Variants in TSPAN7 observed in about 807,000 individuals in gnomAD.
TSPAN7 encodes tetraspanin 7.
A neutral mutation model predicts 17.6 loss-of-function variants in TSPAN7; 1 was observed. The observed-to-expected ratio is 0.06, with a 90% confidence interval of 0.02 to 0.27. TSPAN7 has a LOEUF of 0.27. Ranked by LOEUF, TSPAN7 falls within the 10% of genes least tolerant of loss-of-function variation. TSPAN7 has a pLI of 1.00. For synonymous variants in TSPAN7, 78 were observed against 79.0 expected, an observed-to-expected ratio of 0.99 and a Z score of 0.07; for missense variants, 112 against 201.7, an observed-to-expected ratio of 0.56 and a Z score of 2.69.
intron 1 of TSPAN7, among the ~76,000 whole-genome samples, chrX:38,626,952 C>T (rs2069526235): frequency 9.0e-6 from 1 of 111,175 alleles, no homozygotes; most frequent in African/African-American, 3.3e-5. Flanking sequence ...GTGTGTATCT[C>T]ATCTTTCTTC....
chrX:38,598,601 T>C (rs956813607), intron 1 of TSPAN7, among the ~76,000 whole-genome samples: 1 of 111,206 alleles, frequency 9.0e-6, no homozygotes, highest in Non-Finnish European at 1.9e-5. Context: ...CAGCTTGGTG[T>C]CACTAATGCC....
intron 1 of TSPAN7, among the ~76,000 whole-genome samples, chrX:38,595,093 T>G (rs767908074): frequency 9.0e-6 from 1 of 111,613 alleles, no homozygotes; most frequent in African/African-American, 3.2e-5. Context: ...ATCTTGTACA[T>G]ATGTATTTTT....
intron 1 of TSPAN7, among the ~76,000 whole-genome samples, chrX:38,659,579 G>A (rs979557178): frequency 1.8e-5 from 2 of 110,755 alleles, no homozygotes; most frequent in African/African-American, 3.3e-5. Flanking sequence ...TCTGCCCAAA[G>A]TCACACAGCT....
At chrX:38,637,289 T>A (rs901420218) in intron 1 of TSPAN7, among the ~76,000 whole-genome samples, 5 of 112,069 alleles carry the variant, frequency 4.5e-5, no homozygotes, top group Middle Eastern at 8.4e-3. Flanking sequence ...ATGAATACAG[T>A]TATTCTGATG....
chrX:38,580,839 C>G (rs1404810912), intron 1 of TSPAN7, among the ~76,000 whole-genome samples: 1 of 111,464 alleles, frequency 9.0e-6, no homozygotes, highest in Non-Finnish European at 1.9e-5. Flanking sequence ...GAGCCCAGTG[C>G]ACGATTCCAG....
intron 1 of TSPAN7, among the ~76,000 whole-genome samples, chrX:38,599,890 A>G (rs1333055586): frequency 8.9e-6 from 1 of 111,935 alleles, no homozygotes; most frequent in Non-Finnish European, 1.9e-5. Flanking sequence ...TCCCATGCTC[A>G]ATTTCTTGTC....
intron 1 of TSPAN7, chrX:38,562,947 A>AT (rs1374036288): frequency 1.0e-6 from 1 of 955,045 alleles, no homozygotes; most frequent in Admixed American, 3.1e-5. Flanking sequence ...ACCCACCACC[A>AT]TATATTAGCC....
chrX:38,617,133 G>A (rs1256370206), intron 1 of TSPAN7, among the ~76,000 whole-genome samples: 1 of 111,852 alleles, frequency 8.9e-6, no homozygotes, highest in Non-Finnish European at 1.9e-5. Flanking sequence ...AGCCTGGCTG[G>A]TTGCATTCGG....
At position 38,615,034 on chromosome X, in the gene TSPAN7, C is replaced by T. The variant is rs181027328; in HGVS notation, c.82-51087C>T. ...CCTTTGTCAAACCAAATTGTTCAGA[C>T]CAAATTATGTATCAAAAACTGTTTG... On this transcript the variant is annotated intron_variant, in intron 1 of 7. Coordinates refer to ENST00000378482, the MANE Select transcript of TSPAN7 (RefSeq NM_004615.4). Among the ~76,000 whole-genome samples the T allele has an allele frequency of 2.7e-3, 301 of 110,489 alleles. 2 individuals are homozygous for T. Among genetic ancestry groups the T allele is most frequent in the African/African-American group, 9.4e-3 (284 of 30,324 alleles).
At chrX:38,651,813 C>T (rs2069677689) in intron 1 of TSPAN7, among the ~76,000 whole-genome samples, 1 of 112,001 alleles carries the variant, frequency 8.9e-6, no homozygotes, top group South Asian at 3.7e-4. Context: ...TTAGATACTT[C>T]CTCTTTTTAG....
intron 1 of TSPAN7, among the ~76,000 whole-genome samples, chrX:38,630,993 TTTAAA>T (rs2069547491): frequency 8.9e-6 from 1 of 112,442 alleles, no homozygotes; most frequent in African/African-American, 3.2e-5. Context: ...ATTTTTCCCC[TTTAAA>T]TTGGATAGCA....
chrX:38,568,249 C>T (rs1021473669), intron 1 of TSPAN7, among the ~76,000 whole-genome samples: 3 of 109,005 alleles, frequency 2.8e-5, no homozygotes, highest in African/African-American at 1.0e-4. Context: ...TCTCCTTTTA[C>T]GTTGGATCCT....
chrX:38,579,231 C>T (rs745887039), intron 1 of TSPAN7, among the ~76,000 whole-genome samples: 128 of 111,182 alleles, frequency 1.2e-3, no homozygotes, highest in African/African-American at 4.1e-3. Context: ...TTTTTTACCA[C>T]ATCATCTCAT....
chrX:38,667,658 G>A (rs2069791577), intron 2 of TSPAN7, among the ~76,000 whole-genome samples: 1 of 111,979 alleles, frequency 8.9e-6, no homozygotes, highest in Non-Finnish European at 1.9e-5. Context: ...GGAGGCTGAT[G>A]CCTCAGCCGC....
intron 1 of TSPAN7, among the ~76,000 whole-genome samples, chrX:38,645,569 A>G (rs2069639897): frequency 8.9e-6 from 1 of 111,909 alleles, no homozygotes; most frequent in Non-Finnish European, 1.9e-5. Flanking sequence ...AAAAAAAGAA[A>G]ATGAATGACA....
intron 1 of TSPAN7, among the ~76,000 whole-genome samples, chrX:38,655,463 A>G (rs1031570039): frequency 4.5e-5 from 5 of 110,627 alleles, no homozygotes; most frequent in African/African-American, 1.3e-4. Context: ...AAGGAAAGCT[A>G]ATTAAGTCAC....
intron 1 of TSPAN7, among the ~76,000 whole-genome samples, chrX:38,649,668 G>C (rs759399294): frequency 5.4e-5 from 6 of 111,753 alleles, no homozygotes; most frequent in Admixed American, 9.4e-5. Context: ...CAGGGCAAAG[G>C]GTTGTGCTGT....
chrX:38,587,838 A>G (rs188654923), intron 1 of TSPAN7, among the ~76,000 whole-genome samples: 141 of 111,937 alleles, frequency 1.3e-3, no homozygotes, highest in African/African-American at 4.2e-3. Flanking sequence ...TTATTCCTGC[A>G]GGTATAAAAC....
chrX:38,581,595 C>T (rs780565231), intron 1 of TSPAN7, among the ~76,000 whole-genome samples: 1 of 111,945 alleles, frequency 8.9e-6, no homozygotes, highest in East Asian at 2.8e-4. Flanking sequence ...CATGGCCAAA[C>T]CATATCAAAT....
Sources: allele counts gnomAD v4.1 joint callset (sites outside exome capture counted in the v4.1 genomes callset), GRCh38; gene constraint gnomAD v4.1.1; transcripts MANE v1.5; gene names NCBI Gene and HGNC (gene_info 2026-07-23, HGNC 2026-07-21).